The following MTCL2 variants were observed in gnomAD, a reference collection of about 807,000 sequenced individuals.
MTCL2 encodes the protein microtubule cross-linking factor 2.
At chr20:36,855,790 G>A in the MTCL2 span, among the ~76,000 whole-genome samples, 1 of 152,198 alleles carries the variant, frequency 6.6e-6, no homozygotes, top group Non-Finnish European at 1.5e-5. Flanking sequence ...TTTACAGGAG[G>A]AAGACGGAGT....
At chr20:36,832,487 C>A in the MTCL2 span, among the ~76,000 whole-genome samples, 6 of 152,188 alleles carry the variant, frequency 3.9e-5, no homozygotes, top group East Asian at 1.2e-3. Flanking sequence ...CTGCCCCATT[C>A]TCCATGGAAT....
At chr20:36,861,507 T>A in the MTCL2 span, among the ~76,000 whole-genome samples, 2 of 152,108 alleles carry the variant, frequency 1.3e-5, no homozygotes, top group African/African-American at 2.4e-5. Flanking sequence ...AACACTCTAA[T>A]GAGGGAGAAG....
At chr20:36,831,433 G>A in the MTCL2 span, among the ~76,000 whole-genome samples, 1 of 152,196 alleles carries the variant, frequency 6.6e-6, no homozygotes, top group Non-Finnish European at 1.5e-5. Flanking sequence ...ATGTGGGGCA[G>A]AGAGCCCAGC....
At chr20:36,844,381 C>G in the MTCL2 span, among the ~76,000 whole-genome samples, 1 of 150,692 alleles carries the variant, frequency 6.6e-6, no homozygotes, top group African/African-American at 2.4e-5. Flanking sequence ...CACAGTAAGA[C>G]CTCATCTCTA....
At chr20:36,850,691 T>C in the MTCL2 span, among the ~76,000 whole-genome samples, 1 of 152,264 alleles carries the variant, frequency 6.6e-6, no homozygotes. Context: ...TCCCAACTAA[T>C]TTGTTCTCCA....
chr20:36,833,356 G>A, the MTCL2 span, among the ~76,000 whole-genome samples: 2 of 152,214 alleles, frequency 1.3e-5, no homozygotes, highest in African/African-American at 2.4e-5. Flanking sequence ...CGGCAGCTGC[G>A]GCTTCCGAAA....
chr20:36,794,166 A>G, the MTCL2 span: 1 of 1,551,002 alleles, frequency 6.4e-7, no homozygotes, highest in Non-Finnish European at 8.7e-7. The surrounding 1 kb of genome is among the most constrained non-coding windows in gnomAD (Gnocchi z 5.4). Flanking sequence ...GAGAAGTTGC[A>G]GAGCCACCGA....
chr20:36,843,918 T>G, the MTCL2 span, among the ~76,000 whole-genome samples: 1 of 152,248 alleles, frequency 6.6e-6, no homozygotes, highest in Non-Finnish European at 1.5e-5. Flanking sequence ...TTTTTTTAAC[T>G]TTTAAATGAC....
chr20:36,815,752 C>G, the MTCL2 span: 1 of 1,591,366 alleles, frequency 6.3e-7, no homozygotes, highest in South Asian at 1.1e-5. This position sits in a 1 kb window ranked among gnomAD's most constrained non-coding sequence, Gnocchi z 5.3. Context: ...TCGCTGAGCA[C>G]AGAACAACTG....
the MTCL2 span, among the ~76,000 whole-genome samples, chr20:36,819,624 A>G: frequency 5.3e-3 from 804 of 152,192 alleles, 5 homozygotes; most frequent in South Asian, 0.012. Flanking sequence ...AAAAAAAAAA[A>G]AAAGAAAAAA....
the MTCL2 span, chr20:36,793,525 C>T: frequency 3.9e-6 from 6 of 1,551,718 alleles, no homozygotes; most frequent in Non-Finnish European, 5.2e-6. This position sits in a 1 kb window ranked among gnomAD's most constrained non-coding sequence, Gnocchi z 6.8. Context: ...GAGGCTCGGG[C>T]TTGGCCCGCG....
At chr20:36,820,678 C>T in the MTCL2 span, among the ~76,000 whole-genome samples, 1 of 151,922 alleles carries the variant, frequency 6.6e-6, no homozygotes, top group Admixed American at 6.6e-5. Flanking sequence ...CCTGTCTCTA[C>T]TAAAAATACA....
the MTCL2 span, among the ~76,000 whole-genome samples, chr20:36,790,271 G>A: frequency 4.6e-5 from 7 of 151,764 alleles, no homozygotes; most frequent in Non-Finnish European, 1.5e-5. Flanking sequence ...GATTACAGGC[G>A]TGAGCCACTG....
chr20:36,862,970 G>A, the MTCL2 span: 1 of 1,408,890 alleles, frequency 7.1e-7, no homozygotes, highest in Non-Finnish European at 9.3e-7. Context: ...CCGACGCGCA[G>A]TCCGACACCT....
At chr20:36,862,353 G>C in the MTCL2 span, among the ~76,000 whole-genome samples, 1 of 152,178 alleles carries the variant, frequency 6.6e-6, no homozygotes, top group Non-Finnish European at 1.5e-5. Context: ...CCCTTCCCTG[G>C]CTACCCACCC....
chr20:36,815,825 C>A, the MTCL2 span: 1 of 1,596,342 alleles, frequency 6.3e-7, no homozygotes, highest in Non-Finnish European at 8.5e-7. This position sits in a 1 kb window ranked among gnomAD's most constrained non-coding sequence, Gnocchi z 5.3. Flanking sequence ...CGTTCAGCAG[C>A]AGCTTGTTCT....
the MTCL2 span, chr20:36,785,132 T>C: frequency 1.0e-6 from 1 of 985,342 alleles, no homozygotes. Flanking sequence ...CATTGAGTAA[T>C]AAGTAGTGTT....
chr20:36,841,693 G>A, the MTCL2 span, among the ~76,000 whole-genome samples: 8 of 152,052 alleles, frequency 5.3e-5, no homozygotes, highest in Admixed American at 4.6e-4. Flanking sequence ...TTGGGTTTGG[G>A]ATTTGTTTGC....
the MTCL2 span, among the ~76,000 whole-genome samples, chr20:36,796,036 C>T: frequency 6.6e-6 from 1 of 152,172 alleles, no homozygotes; most frequent in Non-Finnish European, 1.5e-5. Context: ...GGCTGCTTTC[C>T]CTTCCCTGTC....
Sources: gnomAD v4.1 joint callset for allele counts (sites outside exome capture counted in the v4.1 genomes callset) on GRCh38, gnomAD v4.1.1 for gene constraint, Gnocchi (gnomAD v3.1) non-coding constraint, MANE v1.5 for transcripts, NCBI Gene and HGNC (gene_info 2026-07-23, HGNC 2026-07-21) for gene names.